The following SPRED3 variants were observed in gnomAD, a reference collection of about 807,000 sequenced individuals.
SPRED3 encodes sprouty related EVH1 domain containing 3, also known as sprouty-related, EVH1 domain-containing protein 3.
A neutral mutation model predicts 37.6 loss-of-function variants in SPRED3; 23 were observed. The observed-to-expected ratio is 0.61, with a 90% CI of 0.44 to 0.87. The LOEUF is 0.87. SPRED3 is among the 40% of genes least tolerant of loss of function. The pLI is 0.00. For missense variants in SPRED3, 584 were observed against 618.6 expected, an observed-to-expected ratio of 0.94 and a Z score of 0.59; for synonymous variants, 302 against 279.6, an observed-to-expected ratio of 1.08 and a Z score of -0.80.
chr19:38,392,609 A>T (rs1041314632), intron 4 of SPRED3: 33 of 228,230 alleles, frequency 1.4e-4, no homozygotes, highest in African/African-American at 6.8e-4. Context: ...AAAATTAAAA[A>T]AAATATATAT....
Position 38,395,710 on chromosome 19 carries a change from GC to G in SPRED3, c.803del (p.Pro268GlnfsTer62), listed in dbSNP as rs1226998392. ...TACCTGCCCCTTTGACCGAGGCTGC[GC>G]CCCCAGCGCCCCCCGCTCGCCCACC... ...ALPAPLTEAA[P>X]PAPPARPPPG... On this transcript the variant is annotated frameshift_variant, in exon 6 of 6. Coordinates refer to ENST00000691638, the MANE Select transcript of SPRED3 (RefSeq NM_001394336.1). LOFTEE classifies it high-confidence loss of function. The surrounding 1 kb of genome is among the most constrained non-coding windows in gnomAD (Gnocchi z 5.2). 2 of 1,456,758 alleles carry G rather than the reference GC, an allele frequency of 1.4e-6. No homozygotes were observed. The highest frequency in any genetic ancestry group is 2.7e-5 in the Admixed American group (1 of 37,734). The allele number at this position is 1,456,758 out of a possible 1,614,324, so 90.2% of individuals were successfully genotyped here.
chr19:38,395,519 C>G lies in SPRED3; in HGVS notation c.607C>G (p.Pro203Ala), dbSNP rs1241601722. 1 of 1,527,142 alleles carries G rather than the reference C, an allele frequency of 6.5e-7. No homozygotes were observed. Among genetic ancestry groups the G allele is most frequent in the African/African-American group, 1.4e-5 (1 of 69,516 alleles). 94.6% of individuals were successfully genotyped at this position (1,527,142 alleles called of 1,614,324 possible). Reference sequence around the variant, plus strand: ...TCTACCGTTCACGGGGATTCCGGAACCCTCAGAGCCCCTGGCAGGGGCAGG... The same window carrying G: ...TCTACCGTTCACGGGGATTCCGGAAGCCTCAGAGCCCCTGGCAGGGGCAGG... ...PLLPFTGIPE[P>A]SEPLAGAGGL... is the part of the protein sequence containing the mutation. The change falls in exon 6 of 6, where the codon CCC becomes GCC. Residue 203 changes from proline (P) to alanine (A), a missense_variant. Around this residue, in one of 7 missense-constraint regions of SPRED3, gnomAD observed 310 missense variants for 281.1 expected, o/e 1.10. Transcript: ENST00000691638. This position sits in a 1 kb window ranked among gnomAD's most constrained non-coding sequence, Gnocchi z 5.2.
chr19:38,390,939 A>G (rs1196936311), intron 2 of SPRED3, among the ~76,000 whole-genome samples: 1 of 152,132 alleles, frequency 6.6e-6, no homozygotes, highest in Non-Finnish European at 1.5e-5. Flanking sequence ...ACAATTCTAT[A>G]CATGGGTTCA....
chr19:38,391,899 C>T, intron 2 of SPRED3, 47 bp from the exon 3 acceptor site: 1 of 1,603,350 alleles, frequency 6.2e-7, no homozygotes, highest in Non-Finnish European at 8.5e-7. Flanking sequence ...ACGTCACAGG[C>T]ATGTCTGGGT....
In SPRED3 at chr19:38,398,758, A is replaced by C. The variant is rs1970928515; in HGVS notation, c.*2613A>C. 6.6e-6 allele frequency: 1 copy of C among 152,250 alleles called. No homozygotes were observed. The highest frequency in any genetic ancestry group is 1.5e-5 in the Non-Finnish European group (1 of 68,066). 9.4% of individuals were successfully genotyped at this position (152,250 alleles called of 1,614,324 possible). A position where few individuals can be genotyped will look rare whatever the true frequency, so the allele number is the denominator to read the frequency against. The stretch of plus-strand genomic sequence containing the variant: ...GGCTTGGGACCTGCATCTGGCCCCA[A>C]GCATCTGGAACTGTGCACTTAACCT... On this transcript the variant is annotated 3_prime_UTR_variant, in exon 6 of 6. Transcript: ENST00000691638.
Position 38,392,126 on chromosome 19 carries a change from A to C in SPRED3, c.346+12A>C. 3 of 1,614,082 alleles carry C rather than the reference A, an allele frequency of 1.9e-6. No individual in the cohort carries two copies. Among genetic ancestry groups the C allele is most frequent in the Non-Finnish European group, 1.7e-6 (2 of 1,179,976 alleles). ...CGCACTGGGTCGAGGTGAGCAGCCC[A>C]GGTGATGTGCACTGTGGGCTGGCCT... On this transcript the variant is annotated intron_variant, in intron 3 of 5. Transcript: ENST00000691638.
chr19:38,392,219 C>T lies in SPRED3; in HGVS notation c.354C>T (p.Leu118=), dbSNP rs1259900011. ...AALAALGRGS[L]TPSSSSSSSS... The stretch of plus-strand genomic sequence containing the variant: ...CCTCTCTCCCTGCCCCAGGCTCACT[C>T]ACCCCCTCCTCCTCCTCCTCCTCCT... The change falls in exon 4 of 6, where the codon CTC becomes CTT. Residue 118 remains leucine (L), a synonymous_variant. Coordinates refer to ENST00000691638, the MANE Select transcript of SPRED3 (RefSeq NM_001394336.1). The T allele has an allele frequency of 1.2e-5, 19 of 1,595,374 alleles. No individual in the cohort carries two copies. Among genetic ancestry groups the T allele is most frequent in the Non-Finnish European group, 1.5e-5 (18 of 1,170,238 alleles).
Position 38,391,997 on chromosome 19 carries a change from C to T in SPRED3, c.229C>T (p.Pro77Ser). 2 of 1,614,142 alleles carry T rather than the reference C, an allele frequency of 1.2e-6. No homozygotes were observed. Among genetic ancestry groups the T allele is most frequent in the Non-Finnish European group, 1.7e-6 (2 of 1,180,032 alleles). Reference sequence around the variant, plus strand: ...AGGCTTGGTTTACAACAAGGTGAATCCCATCTTTCACCACTGGAGCCTGGG... The same window carrying T: ...AGGCTTGGTTTACAACAAGGTGAATTCCATCTTTCACCACTGGAGCCTGGG... ...KPGLVYNKVNPIFHHWSLGDC... is the reference protein window; with the variant it reads ...KPGLVYNKVNSIFHHWSLGDC... Residue 77 changes from proline (P) to serine (S), a missense_variant, in exon 3 of 6, where the codon CCC (proline) becomes TCC (serine). Physicochemically the swap from Pro to Ser is moderately conservative, Grantham distance 74. Coordinates refer to ENST00000691638, the MANE Select transcript of SPRED3 (RefSeq NM_001394336.1).
intron 2 of SPRED3, among the ~76,000 whole-genome samples, chr19:38,390,770 C>CT (rs764230183): frequency 1.8e-5 from 2 of 113,414 alleles, no homozygotes; most frequent in East Asian, 7.0e-4. Flanking sequence ...CACTGCCCCC[C>CT]CCCCCCCGCC....
intron 2 of SPRED3, among the ~76,000 whole-genome samples, chr19:38,390,771 C>CG (rs1026480699): frequency 8.7e-6 from 1 of 115,054 alleles, no homozygotes. Flanking sequence ...ACTGCCCCCC[C>CG]CCCCCCGCCC....
intron 2 of SPRED3, 76 bp downstream of exon 2, chr19:38,390,555 G>A (rs1970817160): frequency 8.4e-7 from 1 of 1,188,196 alleles, no homozygotes; most frequent in Non-Finnish European, 1.1e-6. Flanking sequence ...GTGGAGCAGA[G>A]GTCAGGTTGC....
chr19:38,390,913 G>A (rs549776880), intron 2 of SPRED3, among the ~76,000 whole-genome samples: 2 of 152,242 alleles, frequency 1.3e-5, no homozygotes, highest in South Asian at 4.1e-4. Flanking sequence ...CCATTTGAAA[G>A]TGTCAGAGAT....
chr19:38,396,095 C>G lies in SPRED3; in HGVS notation c.1183C>G (p.Arg395Gly). Residue 395 changes from arginine to glycine, a missense_variant, in exon 6 of 6, where the codon CGA (arginine) becomes GGA (glycine). Transcript: ENST00000691638. ...PLRACHWVAA[R>G]CGCAGCGGRH... The stretch of plus-strand genomic sequence containing the variant: ...GCGCGCGTGCCACTGGGTCGCAGCG[C>G]GATGCGGCTGCGCCGGCTGCGGGGG... 2 of 1,313,166 alleles carry G rather than the reference C, an allele frequency of 1.5e-6. No individual in the cohort carries two copies. The highest frequency in any genetic ancestry group is 3.1e-5 in the African/African-American group (2 of 65,166). The allele number at this position is 1,313,166 out of a possible 1,614,324, so 81.3% of individuals were successfully genotyped here.
At chr19:38,393,769 T>C (rs1029381906) in intron 4 of SPRED3, among the ~76,000 whole-genome samples, 4 of 152,204 alleles carry the variant, frequency 2.6e-5, no homozygotes, top group African/African-American at 4.8e-5. Flanking sequence ...TTAGTAAATA[T>C]GTGTTGAATA....
At chr19:38,392,333 T>C in intron 4 of SPRED3, 45 bp downstream of exon 4, 1 of 1,463,154 alleles carries the variant, frequency 6.8e-7, no homozygotes, top group Non-Finnish European at 9.0e-7. Context: ...GTAGGGGTTT[T>C]GTTTTTATTC....
At chr19:38,388,839 C>T in intron 1 of SPRED3, 32 bp downstream of exon 1, 1 of 397,278 alleles carries the variant, frequency 2.5e-6, no homozygotes, top group African/African-American at 2.1e-5. Context: ...GGGGCGGGGG[C>T]TGACAGACTG....
At position 38,396,042 on chromosome 19, in the gene SPRED3, T is replaced by C. The variant is rs2145161804; in HGVS notation, c.1130T>C (p.Val377Ala). 7.3e-7 allele frequency: 1 copy of C among 1,363,304 alleles called. No individual in the cohort carries two copies. Among genetic ancestry groups the C allele is most frequent in the Non-Finnish European group, 9.4e-7 (1 of 1,066,224 alleles). The allele number at this position is 1,363,304 out of a possible 1,614,324, so 84.5% of individuals were successfully genotyped here. A position where few individuals can be genotyped will look rare whatever the true frequency, so the allele number is the denominator to read the frequency against. ...GCGCTGGCCGCGCTCTCCCTGGCAG[T>C]GCCCTGCCTCTGCTGCTACGCGCCC... ...WAALAALSLA[V>A]PCLCCYAPLR... The change falls in exon 6 of 6, where the codon GTG (valine) becomes GCG (alanine). Residue 377 changes from valine to alanine, a missense_variant. Coordinates refer to ENST00000691638, the MANE Select transcript of SPRED3 (RefSeq NM_001394336.1).
intron 2 of SPRED3, among the ~76,000 whole-genome samples, chr19:38,391,701 C>T (rs142838706): frequency 1.3e-5 from 2 of 151,966 alleles, no homozygotes; most frequent in East Asian, 1.9e-4. Flanking sequence ...AGGTTGATTC[C>T]GTAGTGAGCC....
At chr19:38,392,962 C>G (rs1196744272) in intron 4 of SPRED3, among the ~76,000 whole-genome samples, 2 of 152,208 alleles carry the variant, frequency 1.3e-5, no homozygotes, top group African/African-American at 2.4e-5. Flanking sequence ...AGGGCTCCAA[C>G]TCACTCAAGT....
Sources: gnomAD v4.1 joint callset for allele counts (sites outside exome capture counted in the v4.1 genomes callset) on GRCh38, gnomAD v4.1.1 for gene constraint, gnomAD v4.1.1 regional missense constraint, Gnocchi (gnomAD v3.1) non-coding constraint, MANE v1.5 for transcripts, NCBI Gene and HGNC (gene_info 2026-07-23, HGNC 2026-07-21) for gene names.